The following KAZN variants were observed in gnomAD, a reference collection of about 807,000 sequenced individuals.
KAZN encodes the protein kazrin, periplakin interacting protein.
KAZN carries 40 observed loss-of-function variants against 87.4 expected under a neutral mutation model. The ratio of observed to expected loss-of-function variants is 0.46; its 90% CI spans 0.36 to 0.60. The LOEUF (loss-of-function observed/expected upper bound fraction) is 0.60, where lower values mean the gene tolerates loss of function less well. Among genes scored for constraint, KAZN ranks in the 20% least tolerant of loss-of-function variants. The probability of loss-of-function intolerance (pLI) is 0.00; values close to 1 mark genes in which losing one functional copy is unlikely to be tolerated. For synonymous variants in KAZN, 466 were observed against 458.3 expected, an observed-to-expected ratio of 1.02 and a Z score of -0.22; for missense variants, 898 against 1,073.9, an observed-to-expected ratio of 0.84 and a Z score of 2.29.
chr1:14,600,961 C>T (rs1676921499), intron 1 of KAZN, among the ~76,000 whole-genome samples: 1 of 152,218 alleles, frequency 6.6e-6, no homozygotes, highest in Non-Finnish European at 1.5e-5. Context: ...AACTGACATA[C>T]TCGCGGATGG....
At chr1:14,716,910 T>A (rs964400701) in intron 1 of KAZN, among the ~76,000 whole-genome samples, 6 of 151,854 alleles carry the variant, frequency 4.0e-5, no homozygotes, top group African/African-American at 1.5e-4. Context: ...GGGGGAATGT[T>A]CCCTGGCAGT....
At chr1:14,349,370 T>G (rs1174528708) in intron 2 of KAZN, 1 of 152,216 alleles carries the variant, frequency 6.6e-6, no homozygotes, top group Non-Finnish European at 1.5e-5. Context: ...TTTTTTGAAT[T>G]TGTAGAACCT....
intron 2 of KAZN, among the ~76,000 whole-genome samples, chr1:14,295,038 C>T (rs918329654): frequency 6.6e-6 from 1 of 152,012 alleles, no homozygotes; most frequent in African/African-American, 2.4e-5. Context: ...GCTGTGTGTC[C>T]TTAGGCAAAC....
intron 4 of KAZN, among the ~76,000 whole-genome samples, chr1:15,050,073 G>C (rs148234131): frequency 0.019 from 1,740 of 93,222 alleles, 32 homozygotes; most frequent in East Asian, 0.16. Flanking sequence ...GGGTAGAGTA[G>C]AGTAGAGTAC....
intron 1 of KAZN, among the ~76,000 whole-genome samples, chr1:14,107,465 C>T (rs886769169): frequency 1.3e-5 from 2 of 152,112 alleles, no homozygotes; most frequent in African/African-American, 4.8e-5. Context: ...ATTCCTCTCC[C>T]TGTCCTTTGC....
chr1:14,360,929 TGAG>T (rs1659451699), intron 2 of KAZN, among the ~76,000 whole-genome samples: 1 of 152,170 alleles, frequency 6.6e-6, no homozygotes, highest in South Asian at 2.1e-4. Flanking sequence ...GGGACCCACT[TGAG>T]GAGGCAGTCT....
intron 4 of KAZN, among the ~76,000 whole-genome samples, chr1:15,055,155 C>G: frequency 6.6e-6 from 1 of 152,210 alleles, no homozygotes; most frequent in Non-Finnish European, 1.5e-5. Context: ...TGGCTAGTCC[C>G]TGGAGAATCC....
At chr1:14,843,397 C>G (rs967991142) in intron 1 of KAZN, among the ~76,000 whole-genome samples, 3 of 152,180 alleles carry the variant, frequency 2.0e-5, no homozygotes, top group African/African-American at 7.2e-5. Flanking sequence ...GGGAGGGAGT[C>G]TGCCATGGGA....
chr1:14,706,054 G>A (rs1033099238), intron 1 of KAZN, among the ~76,000 whole-genome samples: 13 of 152,006 alleles, frequency 8.6e-5, no homozygotes, highest in African/African-American at 9.7e-5. Flanking sequence ...AGCAGCATTC[G>A]ATTTGCATAG....
intron 1 of KAZN, among the ~76,000 whole-genome samples, chr1:14,901,830 C>T (rs1480349517): frequency 6.6e-6 from 1 of 152,170 alleles, no homozygotes; most frequent in South Asian, 2.1e-4. Context: ...AGGGTTCCGC[C>T]TCTGTCTTTC....
chr1:14,900,188 A>G (rs1288675987), intron 1 of KAZN, among the ~76,000 whole-genome samples: 1 of 152,144 alleles, frequency 6.6e-6, no homozygotes, highest in African/African-American at 2.4e-5. Context: ...AACAGCCTCA[A>G]AGACCCCAGG....
intron 2 of KAZN, among the ~76,000 whole-genome samples, chr1:14,256,467 A>C (rs1202759494): frequency 6.6e-6 from 1 of 152,118 alleles, no homozygotes; most frequent in Non-Finnish European, 1.5e-5. Flanking sequence ...AAGGAGTAGG[A>C]AGGAGAAAGG....
Position 14,510,726 on chromosome 1 carries a change from C to T in KAZN, c.250-88257C>T, listed in dbSNP as rs1571828751. Among the ~76,000 whole-genome samples the T allele has an allele frequency of 3.3e-5, 5 of 152,060 alleles. No individual in the cohort carries two copies. In the East Asian group the frequency reaches 9.6e-4, roughly 29 times the overall value. On this transcript the variant is annotated intron_variant, in intron 2 of 16. Coordinates refer to the KAZN transcript ENST00000636203. Reference sequence around the variant, plus strand: ...AGAAAGAGAAGAAGCAAGAGAGAGTCAATGTTGATCAGGCAAAGGATGATG... The same window carrying T: ...AGAAAGAGAAGAAGCAAGAGAGAGTTAATGTTGATCAGGCAAAGGATGATG...
intron 2 of KAZN, among the ~76,000 whole-genome samples, chr1:14,377,572 G>C (rs1293513446): frequency 6.6e-6 from 1 of 152,210 alleles, no homozygotes; most frequent in Non-Finnish European, 1.5e-5. Context: ...GCAGTAGTTA[G>C]AGCTGCTGTT....
At chr1:14,286,577 A>T (rs1328197621) in intron 2 of KAZN, among the ~76,000 whole-genome samples, 3 of 152,222 alleles carry the variant, frequency 2.0e-5, no homozygotes, top group Non-Finnish European at 2.9e-5. Flanking sequence ...ATTATTACAC[A>T]CTATCTACAA....
chr1:14,618,256 A>T (rs533216551), intron 1 of KAZN, among the ~76,000 whole-genome samples: 1 of 152,232 alleles, frequency 6.6e-6, no homozygotes, highest in Non-Finnish European at 1.5e-5. Flanking sequence ...AGGATTTGAC[A>T]TGAAAAGGCC....
intron 1 of KAZN, among the ~76,000 whole-genome samples, chr1:14,791,319 G>A (rs56152191): frequency 0.05 from 7,567 of 152,204 alleles, 465 homozygotes; most frequent in Admixed American, 0.19. Flanking sequence ...GGGCTGAGTC[G>A]CCAACACCTG....
chr1:14,836,682 C>T (rs543300720), intron 1 of KAZN, among the ~76,000 whole-genome samples: 1 of 152,264 alleles, frequency 6.6e-6, no homozygotes, highest in African/African-American at 2.4e-5. Context: ...GCTCCCCAGC[C>T]ACCTCCACCC....
intron 1 of KAZN, among the ~76,000 whole-genome samples, chr1:14,690,763 C>T (rs907445551): frequency 3.3e-5 from 5 of 152,188 alleles, no homozygotes; most frequent in Non-Finnish European, 7.3e-5. Context: ...ATCCATAATT[C>T]ATTCAAGAAG....
Sources: allele counts gnomAD v4.1 joint callset (sites outside exome capture counted in the v4.1 genomes callset), GRCh38; gene constraint gnomAD v4.1.1; transcripts MANE v1.5; gene names NCBI Gene and HGNC (gene_info 2026-07-23, HGNC 2026-07-21).